Variants in IRF6 observed in about 807,000 individuals in gnomAD.
IRF6 encodes the protein interferon regulatory factor 6.
IRF6 carries 6 observed loss-of-function variants against 51.4 expected under a neutral mutation model. The observed-to-expected ratio is 0.12, with a 90% CI of 0.06 to 0.23. IRF6 has a LOEUF of 0.23. Among genes scored for constraint, IRF6 ranks in the 10% least tolerant of loss-of-function variants. IRF6 has a pLI of 1.00. For missense variants in IRF6, 348 were observed against 585.2 expected (o/e 0.59, Z 4.18); for synonymous variants, 178 against 215.7 (o/e 0.83, Z 1.53).
Position 209,789,800 on chromosome 1 carries a change from A to G in IRF6, c.1061-15T>C. ...GGCAATGAGATCTGCAGAAAGTGGAAGAGCAAGTTTGGTATACTGGGTCAT... is the reference window on the plus strand; with the variant it reads ...GGCAATGAGATCTGCAGAAAGTGGAGGAGCAAGTTTGGTATACTGGGTCAT... On this transcript the variant is annotated splice_polypyrimidine_tract_variant and intron_variant, in intron 7 of 8. Coordinates refer to ENST00000367021, the MANE Select transcript of IRF6 (RefSeq NM_006147.4). The G allele has an allele frequency of 6.3e-7, 1 of 1,584,106 alleles. No individual in the cohort carries two copies. The highest frequency in any genetic ancestry group is 8.7e-7 in the Non-Finnish European group (1 of 1,153,562).
At chr1:209,802,762 T>TA (rs1336808395) in intron 1 of IRF6, among the ~76,000 whole-genome samples, 1 of 152,112 alleles carries the variant, frequency 6.6e-6, no homozygotes, top group African/African-American at 2.4e-5. Context: ...CAAACAACCT[T>TA]ACAGCAAAGC....
At chr1:209,797,338 C>T (rs1163580525) in intron 3 of IRF6, among the ~76,000 whole-genome samples, 1 of 124,690 alleles carries the variant, frequency 8.0e-6, no homozygotes, top group Middle Eastern at 6.8e-3. Flanking sequence ...CCATTGCACC[C>T]GAGCCTGGGC....
Position 209,797,370 on chromosome 1 carries a change from CAAAAAAAAAAAA to C in IRF6, c.175-830_175-819del, listed in dbSNP as rs11418099. 3.7e-4 allele frequency among the ~76,000 whole-genome samples: 18 copies of C among 48,592 alleles called. No homozygotes were observed. The South Asian group carries it at 4.1e-3, about 11-fold the overall frequency. 31.9% of individuals were successfully genotyped at this position (48,592 alleles called of 152,430 possible). On this transcript the variant is annotated intron_variant, in intron 3 of 8. Transcript: ENST00000367021. The stretch of plus-strand genomic sequence containing the variant: ...GGGCAACAAGAGTAAAACTTCATCT[CAAAAAAAAAAAA>C]AAAAAAAAAAAAAAGAATTGTAGAA...
chr1:209,797,770 T>C (rs73091677), intron 3 of IRF6, among the ~76,000 whole-genome samples: 2,733 of 152,292 alleles, frequency 0.018, 98 homozygotes, highest in African/African-American at 0.062. Flanking sequence ...CAGGCATTCT[T>C]GTTTCTGCAA....
chr1:209,789,153 T>A (rs1000711159), intron 8 of IRF6, among the ~76,000 whole-genome samples: 2 of 151,972 alleles, frequency 1.3e-5, no homozygotes, highest in African/African-American at 4.8e-5. Context: ...TAGTGAGACC[T>A]CATCTCTGCT....
At chr1:209,801,529 C>G in intron 2 of IRF6, 113 bp from the exon 3 acceptor site, 3 of 839,234 alleles carry the variant, frequency 3.6e-6, no homozygotes, top group Non-Finnish European at 5.5e-6. Flanking sequence ...TAGATTACAG[C>G]AAAGAAACTA....
chr1:209,802,882 A>C (rs1280718443), intron 1 of IRF6, among the ~76,000 whole-genome samples: 2 of 152,200 alleles, frequency 1.3e-5, no homozygotes, highest in African/African-American at 4.8e-5. Flanking sequence ...CCATAACACC[A>C]CTTCTCTCCC....
In IRF6 at chr1:209,792,373, G is replaced by A. The variant is rs377332433; in HGVS notation, c.563C>T (p.Pro188Leu). 1.7e-5 allele frequency: 27 copies of A among 1,614,050 alleles called. No individual in the cohort carries two copies. The highest frequency in any genetic ancestry group is 1.0e-4 in the Admixed American group (6 of 60,006). Residue 188 changes from proline (P) to leucine (L), a missense_variant, in exon 6 of 9, where the codon CCG becomes CTG. Coordinates refer to ENST00000367021, the MANE Select transcript of IRF6 (RefSeq NM_006147.4). ...TTCAGTTTTGGGCCACACTGCCTCC[G>A]GGCTGCAGTTGCCCACACTGCAATT... ...VGNCSVGNCS[P>L]EAVWPKTEPL...
chr1:209,797,472 C>A (rs2077910334), intron 3 of IRF6, among the ~76,000 whole-genome samples: 1 of 151,808 alleles, frequency 6.6e-6, no homozygotes, highest in South Asian at 2.1e-4. Context: ...GGCTGAGGGC[C>A]TCAAGTCCTA....
At chr1:209,798,721 C>T (rs926806092) in intron 3 of IRF6, among the ~76,000 whole-genome samples, 10 of 151,980 alleles carry the variant, frequency 6.6e-5, no homozygotes, top group African/African-American at 2.4e-4. Flanking sequence ...CCATCCTGGC[C>T]AACGTGGTGA....
intron 2 of IRF6, 61 bp from the exon 3 acceptor site, chr1:209,801,477 C>G: frequency 4.5e-6 from 6 of 1,335,420 alleles, no homozygotes; most frequent in South Asian, 1.4e-5. Context: ...ACTGGGAACC[C>G]TTCCCAGCCA....
intron 5 of IRF6, 47 bp downstream of exon 5, chr1:209,795,243 C>G: frequency 6.2e-7 from 1 of 1,609,134 alleles, no homozygotes; most frequent in East Asian, 2.2e-5. Flanking sequence ...GGTCAAAACT[C>G]CTTACATCCT....
rs755955681 is a variant in IRF6, at chr1:209,792,440, C to T, written c.509-13G>A. The T allele has an allele frequency of 1.2e-6, 2 of 1,613,200 alleles. No homozygotes were observed. The highest frequency in any genetic ancestry group is 1.7e-5 in the Admixed American group (1 of 60,008). On this transcript the variant is annotated splice_polypyrimidine_tract_variant and intron_variant, in intron 5 of 8. Transcript: ENST00000367021. ...GCCATGGGAGAACCTAAAACAAAAG[C>T]ATATGGTGAGCAGACAGGGGTACCA...
intron 4 of IRF6, 150 bp from the exon 5 acceptor site, chr1:209,795,568 T>A: frequency 4.1e-6 from 5 of 1,223,774 alleles, no homozygotes; most frequent in Non-Finnish European, 5.8e-6. Context: ...AGAGTGAGAA[T>A]CAAGGGAATG....
rs1207175438 is a variant in IRF6, at chr1:209,785,880, A to T, written c.*2540T>A. ...TCTGAGAGAGGAAGTATGGGGTGCT[A>T]TGGGAACATACAACCAGGGACCTAA... is the stretch of plus-strand genomic sequence containing the variant. On this transcript the variant is annotated 3_prime_UTR_variant, in exon 9 of 9. Transcript: ENST00000367021. 1 of 152,210 alleles carries T rather than the reference A, an allele frequency of 6.6e-6. No individual in the cohort carries two copies. The highest frequency in any genetic ancestry group is 1.5e-5 in the Non-Finnish European group (1 of 68,038). 9.4% of individuals were successfully genotyped at this position (152,210 alleles called of 1,614,324 possible).
In IRF6 at chr1:209,792,305, A is replaced by T; in HGVS notation, c.631T>A (p.Tyr211Asn). The change falls in exon 6 of 9, where the codon TAT (tyrosine) becomes AAT (asparagine). Residue 211 changes from tyrosine to asparagine, a missense_variant. Around this residue, in one of 5 missense-constraint regions of IRF6, gnomAD observed 124 missense variants for 141.6 expected, o/e 0.88. Transcript: ENST00000367021. ...EVPQAPIQPF[Y>N]SSPELWISSL... The stretch of plus-strand genomic sequence containing the variant: ...CTGATCCACAGTTCTGGAGAGCTAT[A>T]GAAGGGCTGTATAGGTGCCTGGGGT... The T allele has an allele frequency of 6.2e-7, 1 of 1,614,238 alleles. No homozygotes were observed. The highest frequency in any genetic ancestry group is 8.5e-7 in the Non-Finnish European group (1 of 1,180,014).
rs768327326 is a variant in IRF6, at chr1:209,790,679, G to A, written c.876C>T (p.Ser292=). The change falls in exon 7 of 9, where the codon AGC becomes AGT. Residue 292 remains serine, a synonymous_variant. Coordinates refer to ENST00000367021, the MANE Select transcript of IRF6 (RefSeq NM_006147.4). This position sits in a 1 kb window ranked among gnomAD's most constrained non-coding sequence, Gnocchi z 4.8. The part of the protein sequence containing the change: ...ITNEKQKLFT[S]KLLDVMDRGL... ...CTCTGTCCATGACGTCCAGCAGCTT[G>A]CTAGTGAACAGCTTCTGCTTCTCAT... The A allele has an allele frequency of 6.2e-6, 10 of 1,614,098 alleles. No homozygotes were observed. The highest frequency in any genetic ancestry group is 1.1e-5 in the South Asian group (1 of 91,080).
chr1:209,796,247 A>G lies in IRF6; in HGVS notation c.379+101T>C. 1.0e-6 allele frequency: 1 copy of G among 991,380 alleles called. No individual in the cohort carries two copies. The highest frequency in any genetic ancestry group is 1.6e-6 in the Non-Finnish European group (1 of 641,068). The allele number at this position is 991,380 out of a possible 1,614,324, so 61.4% of individuals were successfully genotyped here. Reference sequence around the variant, plus strand: ...AAGGCTTTCTTGCTTTATCCATCTTAAACTGTGTAAATCAGGCTGTTTTCA... The same window carrying G: ...AAGGCTTTCTTGCTTTATCCATCTTGAACTGTGTAAATCAGGCTGTTTTCA... On this transcript the variant is annotated intron_variant, in intron 4 of 8. Coordinates refer to ENST00000367021, the MANE Select transcript of IRF6 (RefSeq NM_006147.4). This position sits in a 1 kb window ranked among gnomAD's most constrained non-coding sequence, Gnocchi z 4.5.
At position 209,789,597 on chromosome 1, in the gene IRF6, C is replaced by G. The variant is rs891840787; in HGVS notation, c.1179+70G>C. The G allele has an allele frequency of 1.4e-5, 16 of 1,116,188 alleles. No homozygotes were observed. The African/African-American group carries it at 2.3e-4, about 16-fold the overall frequency. The allele number at this position is 1,116,188 out of a possible 1,614,324, so 69.1% of individuals were successfully genotyped here. A position where few individuals can be genotyped will look rare whatever the true frequency, so the allele number is the denominator to read the frequency against. Reference sequence around the variant, plus strand: ...GGCTGATGGATGCTTGATGAGGGCTCAACCCAGACCTGGGGGCTTAAGCAT... The same window carrying G: ...GGCTGATGGATGCTTGATGAGGGCTGAACCCAGACCTGGGGGCTTAAGCAT... On this transcript the variant is annotated intron_variant, in intron 8 of 8. Coordinates refer to ENST00000367021, the MANE Select transcript of IRF6 (RefSeq NM_006147.4).
Sources: gnomAD v4.1 joint callset for allele counts (sites outside exome capture counted in the v4.1 genomes callset) on GRCh38, gnomAD v4.1.1 for gene constraint, gnomAD v4.1.1 regional missense constraint, Gnocchi (gnomAD v3.1) non-coding constraint, MANE v1.5 for transcripts, NCBI Gene and HGNC (gene_info 2026-07-23, HGNC 2026-07-21) for gene names.